DONSON: variants seen among roughly 807,000 people sequenced by gnomAD.
DONSON encodes DNA replication fork stabilization factor DONSON, also known as protein downstream neighbor of Son.
Under a neutral mutation model 62.1 loss-of-function variants are expected in DONSON, and 43 were observed. The ratio of observed to expected loss-of-function variants is 0.69; its 90% CI spans 0.54 to 0.89. The LOEUF (loss-of-function observed/expected upper bound fraction) is 0.89. DONSON is among the 40% of genes least tolerant of loss of function. The pLI is 0.00. For synonymous variants in DONSON, 266 were observed against 264.6 expected (o/e 1.01, Z -0.05); for missense variants, 696 against 697.5 (o/e 1.00, Z 0.03).
At chr21:33,582,094 C>G in intron 6 of DONSON, 39 bp from the exon 7 acceptor site, 1 of 1,612,174 alleles carries the variant, frequency 6.2e-7, no homozygotes, top group Non-Finnish European at 8.5e-7. Flanking sequence ...ATTTCACAAG[C>G]TGTTCCTGTG....
At chr21:33,585,808 G>A (rs940254193) in intron 3 of DONSON, among the ~76,000 whole-genome samples, 170 bp downstream of exon 3, 1 of 150,850 alleles carries the variant, frequency 6.6e-6, no homozygotes, top group Non-Finnish European at 1.5e-5. Flanking sequence ...AAAAAAAAAA[G>A]GTATGAAAGC....
In DONSON at chr21:33,583,388, C is replaced by T. The variant is rs2086539327; in HGVS notation, c.964+100G>A. On this transcript the variant is annotated intron_variant, in intron 5 of 9. Coordinates refer to ENST00000303071, the MANE Select transcript of DONSON (RefSeq NM_017613.4). ...AGAAATAATATATTTCTTAATGTTG[C>T]TAATCAACTGGTAAAAGGCATTTTA... 1.3e-5 allele frequency: 12 copies of T among 896,402 alleles called. No homozygotes were observed. In the South Asian group the frequency reaches 2.8e-4, roughly 21 times the overall value. The allele number at this position is 896,402 out of a possible 1,614,324, so 55.5% of individuals were successfully genotyped here.
At chr21:33,580,222 C>G (rs2086489461) in intron 8 of DONSON, among the ~76,000 whole-genome samples, 1 of 147,676 alleles carries the variant, frequency 6.8e-6, no homozygotes, top group East Asian at 2.0e-4. Context: ...GAGCAAGACT[C>G]CGTCTCTAAA....
At chr21:33,580,856 G>A (rs977752355) in intron 8 of DONSON, among the ~76,000 whole-genome samples, 9 of 151,792 alleles carry the variant, frequency 5.9e-5, no homozygotes, top group African/African-American at 1.7e-4. Flanking sequence ...CACTGCAGCC[G>A]GTGACAGAGT....
chr21:33,586,383 G>A (rs1050382419), intron 2 of DONSON, among the ~76,000 whole-genome samples: 7 of 152,140 alleles, frequency 4.6e-5, no homozygotes, highest in South Asian at 2.1e-4. Flanking sequence ...TATGGGAAGC[G>A]GGAATTTGTT....
At chr21:33,585,339 G>C (rs1354816863) in intron 3 of DONSON, among the ~76,000 whole-genome samples, 3 of 150,944 alleles carry the variant, frequency 2.0e-5, no homozygotes, top group Non-Finnish European at 4.4e-5. Context: ...TCCTACCTGA[G>C]CCTCCCAAGT....
intron 9 of DONSON, among the ~76,000 whole-genome samples, chr21:33,578,972 TAATA>T (rs1351381813): frequency 6.6e-6 from 1 of 152,030 alleles, no homozygotes. Flanking sequence ...CCCCCGTCTC[TAATA>T]AAGATACAAA....
intron 7 of DONSON, 146 bp downstream of exon 7, chr21:33,581,805 C>CT: frequency 1.3e-6 from 1 of 745,560 alleles, no homozygotes; most frequent in Non-Finnish European, 2.2e-6. Flanking sequence ...TACTTAGGGG[C>CT]TTATTTAGTA....
chr21:33,579,793 C>T (rs1057048815), intron 8 of DONSON, among the ~76,000 whole-genome samples: 7 of 152,144 alleles, frequency 4.6e-5, no homozygotes, highest in Non-Finnish European at 7.4e-5. Context: ...CCAGAGAATA[C>T]CATTTTTTCA....
chr21:33,581,797 C>T (rs574722549), intron 7 of DONSON, among the ~76,000 whole-genome samples, 154 bp downstream of exon 7: 1 of 152,266 alleles, frequency 6.6e-6, no homozygotes, highest in East Asian at 1.9e-4. Context: ...TTTGTTGATA[C>T]TTAGGGGCTT....
chr21:33,586,767 T>G (rs994114487), intron 2 of DONSON, among the ~76,000 whole-genome samples: 1 of 152,060 alleles, frequency 6.6e-6, no homozygotes, highest in Non-Finnish European at 1.5e-5. Context: ...CCCGAGTACC[T>G]GGGACTACAG....
chr21:33,578,236 T>G lies in DONSON; in HGVS notation c.*71A>C. 1 of 1,523,160 alleles carries G rather than the reference T, an allele frequency of 6.6e-7. No individual in the cohort carries two copies. The highest frequency in any genetic ancestry group is 8.9e-7 in the Non-Finnish European group (1 of 1,120,070). 94.4% of individuals were successfully genotyped at this position (1,523,160 alleles called of 1,614,324 possible). ...AAACATTTCAGTATATTCCTTCAAC[T>G]TCAAGAATCTTGAATTTCCTTGCTA... On this transcript the variant is annotated 3_prime_UTR_variant, in exon 10 of 10. Coordinates refer to ENST00000303071, the MANE Select transcript of DONSON (RefSeq NM_017613.4).
intron 3 of DONSON, among the ~76,000 whole-genome samples, chr21:33,585,526 T>C (rs953820212): frequency 3.3e-5 from 5 of 151,584 alleles, no homozygotes; most frequent in South Asian, 2.1e-4. Flanking sequence ...TAGTTTTGAG[T>C]TGATGCTTTA....
chr21:33,579,990 T>C (rs1213214617), intron 8 of DONSON, among the ~76,000 whole-genome samples: 2 of 151,324 alleles, frequency 1.3e-5, no homozygotes, highest in African/African-American at 2.4e-5. Flanking sequence ...AGGTCAGGAG[T>C]TCAAGACCAG....
In DONSON at chr21:33,584,043, T is replaced by C. The variant is rs58990014; in HGVS notation, c.786-377A>G. Among the ~76,000 whole-genome samples the C allele has an allele frequency of 6.3e-3, 759 of 120,400 alleles. 11 individuals are homozygous for C. The highest frequency in any genetic ancestry group is 0.023 in the African/African-American group (715 of 30,974). 79.0% of individuals were successfully genotyped at this position (120,400 alleles called of 152,430 possible). On this transcript the variant is annotated intron_variant, in intron 4 of 9. Transcript: ENST00000303071. ...ATATATATATATATATATATATATATATACTTTTTTTTTTTTTTTGAGACG... is the reference window on the plus strand; with the variant it reads ...ATATATATATATATATATATATATACATACTTTTTTTTTTTTTTTGAGACG...
Position 33,582,001 on chromosome 21 carries a change from C to G in DONSON, c.1101G>C (p.Glu367Asp). Residue 367 changes from glutamate (E) to aspartate (D), a missense_variant, in exon 7 of 10, where the codon GAG (glutamate) becomes GAC (aspartate). By Grantham distance (45) the Glu-to-Asp change is conservative. Transcript: ENST00000303071. The stretch of plus-strand genomic sequence containing the variant: ...TTTTAATTTTATCTTGCACACCCAT[C>G]TCTTCCAGCCAGGAAAAACTTTCCT... ...DEEESFSWLEEMGVQDKIKKP... is the reference protein window; with the variant it reads ...DEEESFSWLEDMGVQDKIKKP... 2.5e-6 allele frequency: 4 copies of G among 1,614,182 alleles called. No homozygotes were observed. Among genetic ancestry groups the G allele is most frequent in the Non-Finnish European group, 3.4e-6 (4 of 1,180,028 alleles).
In DONSON at chr21:33,579,403, C is replaced by T. The variant is rs374688527; in HGVS notation, c.1510G>A (p.Glu504Lys). The T allele has an allele frequency of 7.4e-6, 12 of 1,612,730 alleles. No individual in the cohort carries two copies. The highest frequency in any genetic ancestry group is 8.5e-6 in the Non-Finnish European group (10 of 1,179,184). ...GSFSAVLYPH[E>K]PTAVFNICLQ... is the part of the protein sequence containing the mutation. ...CAGATGTTAAATACAGCAGTTGGCT[C>T]GTGTGGATACAGTACTGCAGAGAAA... The change falls in exon 9 of 10, where the codon GAG (glutamate) becomes AAG (lysine). Residue 504 changes from glutamate (E) to lysine (K), a missense_variant. Glu to Lys is a moderately conservative substitution (Grantham distance 56). Coordinates refer to ENST00000303071, the MANE Select transcript of DONSON (RefSeq NM_017613.4).
chr21:33,587,500 A>G (rs768737171), intron 2 of DONSON, 22 bp downstream of exon 2: 2 of 1,559,778 alleles, frequency 1.3e-6, no homozygotes, highest in Admixed American at 2.2e-5. Flanking sequence ...TACACATTCT[A>G]ATGATATTTA....
rs1183274513 is a variant in DONSON, at chr21:33,581,284, T to C, written c.1350+18A>G. On this transcript the variant is annotated intron_variant, in intron 8 of 9. Transcript: ENST00000303071. ...GTAAAGTACTTCTTAAAAGCTAGGTTATGCAGACTTTTATTACCTTAAGCA... is the reference window on the plus strand; with the variant it reads ...GTAAAGTACTTCTTAAAAGCTAGGTCATGCAGACTTTTATTACCTTAAGCA... The C allele has an allele frequency of 6.2e-7, 1 of 1,611,510 alleles. No individual in the cohort carries two copies. Among genetic ancestry groups the C allele is most frequent in the Non-Finnish European group, 8.5e-7 (1 of 1,178,366 alleles).
Sources: gnomAD v4.1 joint callset for allele counts (sites outside exome capture counted in the v4.1 genomes callset) on GRCh38, gnomAD v4.1.1 for gene constraint, MANE v1.5 for transcripts, NCBI Gene and HGNC (gene_info 2026-07-23, HGNC 2026-07-21) for gene names.